Variants in CD6 observed in about 807,000 individuals in gnomAD.
The protein encoded by CD6 is CD6 molecule, also known as T-cell differentiation antigen CD6.
In CD6, 53 loss-of-function variants were observed where a neutral mutation model predicts 75.3. That is an observed-to-expected ratio of 0.70 (90% confidence interval 0.56 to 0.88). CD6 has a LOEUF of 0.88. Ranked by LOEUF, CD6 falls within the 40% of genes least tolerant of loss-of-function variation. The probability of loss-of-function intolerance (pLI) is 0.00; values close to 1 mark genes in which losing one functional copy is unlikely to be tolerated. For missense variants in CD6, 770 were observed against 897.1 expected, an observed-to-expected ratio of 0.86 and a Z score of 1.81; for synonymous variants, 359 against 381.5, an observed-to-expected ratio of 0.94 and a Z score of 0.69.
rs1033560859 is a variant in CD6 at position 61,018,041 on chromosome 11, T to C, written c.1837+28T>C. ...AAGCTGTGCCTCCCCCAAACCCCCATCCCATAGCCAGCCTGGCTGGAGGAG... is the reference window on the plus strand; with the variant it reads ...AAGCTGTGCCTCCCCCAAACCCCCACCCCATAGCCAGCCTGGCTGGAGGAG... On this transcript the variant is annotated intron_variant, in intron 11 of 12. Coordinates refer to ENST00000313421, the MANE Select transcript of CD6 (RefSeq NM_006725.5). 4 of 1,603,906 alleles carry C rather than the reference T, an allele frequency of 2.5e-6. No homozygotes were observed. In the East Asian group the frequency reaches 8.9e-5, roughly 36 times the overall value.
chr11:61,012,707 G>A (rs553554136), intron 6 of CD6, among the ~76,000 whole-genome samples: 28 of 152,306 alleles, frequency 1.8e-4, no homozygotes, highest in South Asian at 4.1e-4. Context: ...TTTAAGCAGA[G>A]GGGAGGCTGA....
At chr11:60,982,739 C>A (rs1273090532) in intron 1 of CD6, 4 of 455,932 alleles carry the variant, frequency 8.8e-6, no homozygotes, top group South Asian at 4.6e-5. Context: ...GAGCTGCCAG[C>A]CATCTCCTGT....
At position 60,989,137 on chromosome 11, in the gene CD6, G is replaced by C. The variant is rs577702422; in HGVS notation, c.49+17223G>C. On this transcript the variant is annotated intron_variant, in intron 1 of 12. Transcript: ENST00000313421. ...AGGGCGCCTGAAGAGTAGAAAGAGT[G>C]AATCTGGGGAACAAATTCAAATTTG... is the stretch of plus-strand genomic sequence containing the variant. 5.3e-5 allele frequency: 8 copies of C among 152,332 alleles called. 1 individual carries two copies. The highest frequency in any genetic ancestry group is 1.9e-4 in the African/African-American group (8 of 41,568). The allele number at this position is 152,332 out of a possible 1,614,324, so 9.4% of individuals were successfully genotyped here. A position where few individuals can be genotyped will look rare whatever the true frequency, so the allele number is the denominator to read the frequency against.
intron 6 of CD6, among the ~76,000 whole-genome samples, chr11:61,012,461 C>T (rs923469595): frequency 6.6e-6 from 1 of 152,226 alleles, no homozygotes. Context: ...CTGGCCCAAA[C>T]TTCCCCATTT....
chr11:61,015,917 C>A, intron 9 of CD6, 82 bp downstream of exon 9: 1 of 1,521,968 alleles, frequency 6.6e-7, no homozygotes, highest in Non-Finnish European at 9.0e-7. Flanking sequence ...GTCAGTAGTC[C>A]CACCTAGTAA....
At chr11:60,990,475 C>T (rs1858015543) in intron 1 of CD6, among the ~76,000 whole-genome samples, 1 of 152,124 alleles carries the variant, frequency 6.6e-6, no homozygotes, top group South Asian at 2.1e-4. Flanking sequence ...CCACTTGCCT[C>T]GGCCTTCCAA....
intron 1 of CD6, among the ~76,000 whole-genome samples, chr11:60,994,896 GC>G (rs1450026528): frequency 6.6e-6 from 1 of 152,168 alleles, no homozygotes; most frequent in Non-Finnish European, 1.5e-5. Flanking sequence ...AGCCTTCCTG[GC>G]CTTGGAGAGC....
intron 1 of CD6, among the ~76,000 whole-genome samples, chr11:61,000,326 T>TA (rs11462483): frequency 0.62 from 93,985 of 151,370 alleles, 30,431 homozygotes; most frequent in Middle Eastern, 0.84. Context: ...TTTTTTTTTT[T>TA]AACTATACTT....
intron 9 of CD6, among the ~76,000 whole-genome samples, chr11:61,016,316 G>C (rs1565162295): frequency 6.6e-6 from 1 of 152,218 alleles, no homozygotes; most frequent in Non-Finnish European, 1.5e-5. Flanking sequence ...TCTGGGGATA[G>C]GAAGAGGAAA....
At position 60,993,583 on chromosome 11, in the gene CD6, T is replaced by C. The variant is rs147829060; in HGVS notation, c.50-12991T>C. On this transcript the variant is annotated intron_variant, in intron 1 of 12. Transcript: ENST00000313421. The stretch of plus-strand genomic sequence containing the variant: ...ATCATGCCCAGTGCCAGGTTAAAGA[T>C]GAAACCTAGCTGGGCTCAGTGACTT... 5.1e-4 allele frequency among the ~76,000 whole-genome samples: 77 copies of C among 152,234 alleles called. No homozygotes were observed. In the South Asian group the frequency reaches 1.0e-2, roughly 20 times the overall value.
chr11:60,980,550 C>G (rs11230545), intron 1 of CD6, among the ~76,000 whole-genome samples: 1 of 152,018 alleles, frequency 6.6e-6, no homozygotes, highest in African/African-American at 2.4e-5. Context: ...ATTTGAAGGC[C>G]GGGTGCAGTG....
chr11:61,005,450 G>T (rs1199843748), intron 1 of CD6, among the ~76,000 whole-genome samples: 1 of 152,240 alleles, frequency 6.6e-6, no homozygotes, highest in Non-Finnish European at 1.5e-5. Context: ...GAATCTGACA[G>T]AAGCCATAAG....
chr11:61,003,593 G>C (rs539764968), intron 1 of CD6, among the ~76,000 whole-genome samples: 1 of 152,260 alleles, frequency 6.6e-6, no homozygotes, highest in South Asian at 2.1e-4. Flanking sequence ...AAATTAGCCA[G>C]CATCGTGGCA....
intron 6 of CD6, 130 bp from the exon 7 acceptor site, chr11:61,013,293 T>C: frequency 1.9e-6 from 2 of 1,071,278 alleles, no homozygotes; most frequent in Admixed American, 4.5e-5. Context: ...AATGAGAAAA[T>C]TGGAAAAAGG....
intron 1 of CD6, chr11:61,004,712 T>C (rs1330678447): frequency 6.6e-6 from 1 of 152,250 alleles, no homozygotes. Context: ...GGCAAGGCTG[T>C]AGCAACAAGG....
chr11:60,985,614 G>C (rs1857782673), intron 1 of CD6, among the ~76,000 whole-genome samples: 1 of 152,130 alleles, frequency 6.6e-6, no homozygotes, highest in Non-Finnish European at 1.5e-5. Flanking sequence ...AACCAAAAGT[G>C]TCATTAAATA....
At chr11:60,990,214 G>T (rs1049251457) in intron 1 of CD6, among the ~76,000 whole-genome samples, 1 of 152,230 alleles carries the variant, frequency 6.6e-6, no homozygotes, top group East Asian at 1.9e-4. Flanking sequence ...CATTGAGAAT[G>T]ACATTTGTTT....
intron 1 of CD6, among the ~76,000 whole-genome samples, chr11:60,986,349 C>T (rs1230319910): frequency 6.6e-6 from 1 of 152,170 alleles, no homozygotes; most frequent in Non-Finnish European, 1.5e-5. Context: ...GGGTGCCGGG[C>T]TGGTGTTGAT....
At chr11:60,975,143 C>T (rs1052573433) in intron 1 of CD6, among the ~76,000 whole-genome samples, 2 of 151,818 alleles carry the variant, frequency 1.3e-5, no homozygotes, top group Admixed American at 6.6e-5. Context: ...TTTATAAGCC[C>T]TGTAATTTTG....
Sources: allele counts gnomAD v4.1 joint callset (sites outside exome capture counted in the v4.1 genomes callset), GRCh38; gene constraint gnomAD v4.1.1; transcripts MANE v1.5; gene names NCBI Gene and HGNC (gene_info 2026-07-23, HGNC 2026-07-21).